Variants in ZNF502 observed in about 807,000 individuals in gnomAD.
ZNF502 encodes the protein zinc finger protein 502.
In ZNF502, 29 loss-of-function variants were observed where a neutral mutation model predicts 43.6. The observed-to-expected ratio is 0.67, with a 90% CI of 0.50 to 0.91. ZNF502 has a LOEUF of 0.91. Ranked by LOEUF, ZNF502 falls within the 40% of genes least tolerant of loss-of-function variation. The pLI, the probability that ZNF502 is intolerant of heterozygous loss-of-function variation, is 0.00. For synonymous variants in ZNF502, 171 were observed against 207.4 expected, an observed-to-expected ratio of 0.82 and a Z score of 1.51; for missense variants, 591 against 647.2, an observed-to-expected ratio of 0.91 and a Z score of 0.94.
chr3:44,717,940 C>T (rs1001132071), intron 1 of ZNF502, among the ~76,000 whole-genome samples: 1 of 152,152 alleles, frequency 6.6e-6, no homozygotes, highest in Non-Finnish European at 1.5e-5. Context: ...TGTGAGCTAC[C>T]TCACCTTGCT....
At position 44,721,195 on chromosome 3, in the gene ZNF502, G is replaced by A. The variant is rs1305674562; in HGVS notation, c.378G>A (p.Leu126=). 6.2e-7 allele frequency: 1 copy of A among 1,614,126 alleles called. No homozygotes were observed. The highest frequency in any genetic ancestry group is 1.7e-5 in the Admixed American group (1 of 60,030). The change falls in exon 3 of 3, where the codon CTG becomes CTA. Residue 126 remains leucine (L), a synonymous_variant. Transcript: ENST00000436624. ...TCAGGGTTTCTACAGAAGAGAGTCT[G>A]CATCAGTGGGAAACAAGTAATATAC... ...TRLRVSTEES[L]HQWETSNIQT...
rs115474405 is a variant in ZNF502, at chr3:44,717,788, T to C, written c.-59-2415T>C. The stretch of plus-strand genomic sequence containing the variant: ...ATCCTCCCGCCTTAGTAGCTATGAC[T>C]ATAGGTACACACCACTACACCCAAC... On this transcript the variant is annotated intron_variant, in intron 1 of 2. Coordinates refer to ENST00000436624, the MANE Select transcript of ZNF502 (RefSeq NM_001134442.3). Among the ~76,000 whole-genome samples the C allele has an allele frequency of 9.3e-3, 1,419 of 152,276 alleles. 31 individuals carry two copies. The highest frequency in any genetic ancestry group is 0.033 in the African/African-American group (1,363 of 41,550).
At chr3:44,719,600 T>C (rs1402521886) in intron 1 of ZNF502, among the ~76,000 whole-genome samples, 1 of 152,260 alleles carries the variant, frequency 6.6e-6, no homozygotes, top group African/African-American at 2.4e-5. Context: ...AATTTATTTC[T>C]GTTTCTTTTT....
intron 1 of ZNF502, among the ~76,000 whole-genome samples, chr3:44,713,276 T>G (rs1316000809): frequency 6.6e-6 from 1 of 152,222 alleles, no homozygotes; most frequent in Non-Finnish European, 1.5e-5. Flanking sequence ...GTTGACAGCT[T>G]GTATGTGATA....
At position 44,723,484 on chromosome 3, in the gene ZNF502, TGAAAGAA is replaced by T. The variant is rs1386895444; in HGVS notation, c.*1040_*1046del. 1 of 147,204 alleles carries T rather than the reference TGAAAGAA, an allele frequency of 6.8e-6. No homozygotes were observed. The highest frequency in any genetic ancestry group is 2.0e-4 in the East Asian group (1 of 4,964). 9.1% of individuals were successfully genotyped at this position (147,204 alleles called of 1,614,324 possible). ...GGTCTTTAGGAGAAAGCATTAGTAA[TGAAAGAA>T]GAAAGAATTTTCACTTGGTTGGACA... On this transcript the variant is annotated 3_prime_UTR_variant, in exon 3 of 3. Coordinates refer to ENST00000436624, the MANE Select transcript of ZNF502 (RefSeq NM_001134442.3).
At chr3:44,718,644 T>C (rs992121836) in intron 1 of ZNF502, among the ~76,000 whole-genome samples, 2 of 152,226 alleles carry the variant, frequency 1.3e-5, no homozygotes, top group African/African-American at 4.8e-5. Flanking sequence ...TCATTTTGTC[T>C]CTCTTCTTTT....
rs1331842060 is a variant in ZNF502, at chr3:44,721,445, C to T, written c.628C>T (p.Pro210Ser). The T allele has an allele frequency of 6.2e-7, 1 of 1,614,048 alleles. No individual in the cohort carries two copies. Among genetic ancestry groups the T allele is most frequent in the Non-Finnish European group, 8.5e-7 (1 of 1,180,036 alleles). ...QHQRIHTGVK[P>S]YGCEQCGKTF... ...TCAAAGAATTCACACTGGAGTGAAACCATATGGATGTGAGCAGTGTGGGAA... is the reference window on the plus strand; with the variant it reads ...TCAAAGAATTCACACTGGAGTGAAATCATATGGATGTGAGCAGTGTGGGAA... The change falls in exon 3 of 3, where the codon CCA (proline) becomes TCA (serine). Residue 210 changes from proline to serine, a missense_variant. Physicochemically the swap from Pro to Ser is moderately conservative, Grantham distance 74. Coordinates refer to ENST00000436624, the MANE Select transcript of ZNF502 (RefSeq NM_001134442.3).
intron 1 of ZNF502, among the ~76,000 whole-genome samples, chr3:44,718,705 T>C (rs1220501044): frequency 6.6e-6 from 1 of 152,200 alleles, no homozygotes; most frequent in Non-Finnish European, 1.5e-5. Context: ...CCCCTGTGCT[T>C]TACATTCTGT....
chr3:44,720,221 C>A lies in ZNF502; in HGVS notation c.-41C>A, dbSNP rs1704272076. 6.2e-7 allele frequency: 1 copy of A among 1,611,992 alleles called. No homozygotes were observed. Among genetic ancestry groups the A allele is most frequent in the African/African-American group, 1.3e-5 (1 of 74,854 alleles). On this transcript the variant is annotated 5_prime_UTR_variant, in exon 2 of 3. Transcript: ENST00000436624. Reference sequence around the variant, plus strand: ...TGAGCAGGGTTCCCAGTTTTCCAGACCTGAAGTGTTTTCCAATCAAAGCGA... The same window carrying A: ...TGAGCAGGGTTCCCAGTTTTCCAGAACTGAAGTGTTTTCCAATCAAAGCGA...
Position 44,722,293 on chromosome 3 carries a change from ATGTAG to A in ZNF502, c.1479_1483del (p.Cys493Ter). The A allele has an allele frequency of 1.9e-6, 3 of 1,614,190 alleles. No homozygotes were observed. The South Asian group carries it at 3.3e-5, about 18-fold the overall frequency. On this transcript the variant is annotated frameshift_variant, in exon 3 of 3. Coordinates refer to ENST00000436624, the MANE Select transcript of ZNF502 (RefSeq NM_001134442.3). LOFTEE classifies it high-confidence loss of function. ...CTCACACTGGTGAGAAGCTCTATAA[ATGTAG>A]TGAGTGTGAGAAAACCTTCCGCAAG...
At chr3:44,717,607 C>T (rs149297275) in intron 1 of ZNF502, among the ~76,000 whole-genome samples, 7,561 of 151,918 alleles carry the variant, frequency 0.05, 274 homozygotes, top group Middle Eastern at 0.082. Flanking sequence ...GACAGGGTTT[C>T]TCCATGTTGG....
chr3:44,722,434 A>T lies in ZNF502; in HGVS notation c.1617A>T (p.Lys539Asn), dbSNP rs771349006. The T allele has an allele frequency of 6.2e-7, 1 of 1,612,128 alleles. No individual in the cohort carries two copies. Among genetic ancestry groups the T allele is most frequent in the Non-Finnish European group, 8.5e-7 (1 of 1,179,182 alleles). The change falls in exon 3 of 3, where the codon AAA becomes AAT. Residue 539 changes from lysine to asparagine, a missense_variant. Lys to Asn is a moderately conservative substitution (Grantham distance 94). Transcript: ENST00000436624. ...GTTCAGTCCTTTTCAGACATCAGAA[A>T]CTTCACAGTGGTGACTAATGCTGCC... Reference protein sequence around the residue: ...RHSSVLFRHQKLHSGD With the variant: ...RHSSVLFRHQNLHSGD
intron 1 of ZNF502, among the ~76,000 whole-genome samples, chr3:44,718,100 T>C (rs1704200229): frequency 6.6e-6 from 1 of 152,240 alleles, no homozygotes; most frequent in Non-Finnish European, 1.5e-5. Context: ...CTCTTTCAGC[T>C]GTGTATGCCC....
intron 1 of ZNF502, among the ~76,000 whole-genome samples, chr3:44,716,276 C>G (rs1704142863): frequency 1.3e-5 from 2 of 151,752 alleles, no homozygotes; most frequent in African/African-American, 4.8e-5. Context: ...TAGCCTCTGC[C>G]CCCTGGGTTC....
chr3:44,717,075 A>G lies in ZNF502; in HGVS notation c.-59-3128A>G, dbSNP rs1309814951. On this transcript the variant is annotated intron_variant, in intron 1 of 2. Coordinates refer to ENST00000436624, the MANE Select transcript of ZNF502 (RefSeq NM_001134442.3). ...TCAATTTTTGTCCTATCCATTTTGC[A>G]TCATGCTTGAAAGTGCTAACCCTAG... Among the ~76,000 whole-genome samples, 4 of 152,090 alleles carry G rather than the reference A, an allele frequency of 2.6e-5. No homozygotes were observed. The East Asian group carries it at 7.7e-4, about 29-fold the overall frequency.
chr3:44,714,688 C>T (rs552081342), intron 1 of ZNF502: 5 of 152,308 alleles, frequency 3.3e-5, no homozygotes, highest in African/African-American at 1.2e-4. Flanking sequence ...TTTCTTTCTC[C>T]GTAGGTTTTA....
intron 1 of ZNF502, among the ~76,000 whole-genome samples, chr3:44,719,203 C>G (rs1024473741): frequency 1.3e-4 from 20 of 152,134 alleles, no homozygotes; most frequent in African/African-American, 4.6e-4. Context: ...AAACTCCTGA[C>G]CTCAGGTGAT....
chr3:44,722,424 G>A lies in ZNF502; in HGVS notation c.1607G>A (p.Arg536Lys). The change falls in exon 3 of 3, where the codon AGA (arginine) becomes AAA (lysine). Residue 536 changes from arginine to lysine, a missense_variant. By Grantham distance (26) the Arg-to-Lys change is conservative. Coordinates refer to ENST00000436624, the MANE Select transcript of ZNF502 (RefSeq NM_001134442.3). ...TTCAGACATAGTTCAGTCCTTTTCA[G>A]ACATCAGAAACTTCACAGTGGTGAC... Reference protein sequence around the residue: ...KFFRHSSVLFRHQKLHSGD With the variant: ...KFFRHSSVLFKHQKLHSGD 3 of 1,612,948 alleles carry A rather than the reference G, an allele frequency of 1.9e-6. No individual in the cohort carries two copies. Among genetic ancestry groups the A allele is most frequent in the Non-Finnish European group, 2.5e-6 (3 of 1,179,562 alleles).
chr3:44,720,163 A>G, intron 1 of ZNF502, 40 bp from the exon 2 acceptor site: 3 of 1,312,460 alleles, frequency 2.3e-6, no homozygotes, highest in Non-Finnish European at 3.3e-6. Flanking sequence ...TGGGACAGTA[A>G]TATTCCCTCC....
Sources: gnomAD v4.1 joint callset for allele counts (sites outside exome capture counted in the v4.1 genomes callset) on GRCh38, gnomAD v4.1.1 for gene constraint, MANE v1.5 for transcripts, NCBI Gene and HGNC (gene_info 2026-07-23, HGNC 2026-07-21) for gene names.